TGFBRAP1: variants seen among roughly 807,000 people sequenced by gnomAD.
TGFBRAP1 encodes the protein transforming growth factor beta receptor associated protein 1, also known as transforming growth factor-beta receptor-associated protein 1.
Under a neutral mutation model 83.2 loss-of-function variants are expected in TGFBRAP1, and 20 were observed. The observed-to-expected ratio is 0.24, with a 90% CI of 0.17 to 0.35. The LOEUF (loss-of-function observed/expected upper bound fraction) is 0.35, where lower values mean the gene tolerates loss of function less well. Among genes scored for constraint, TGFBRAP1 ranks in the 10% least tolerant of loss-of-function variants. TGFBRAP1 has a pLI of 1.00. For missense variants in TGFBRAP1, 950 were observed against 1,099.4 expected (o/e 0.86, Z 1.92); for synonymous variants, 415 against 459.8 (o/e 0.90, Z 1.25).
chr2:105,256,963 T>A, the TGFBRAP1 span, among the ~76,000 whole-genome samples: 1 of 152,296 alleles, frequency 6.6e-6, no homozygotes, highest in South Asian at 2.1e-4. Context: ...AGCTTACAAA[T>A]GCCATGGCAA....
At chr2:105,275,982 T>A (rs1341393323) in intron 7 of TGFBRAP1, among the ~76,000 whole-genome samples, 1 of 152,130 alleles carries the variant, frequency 6.6e-6, no homozygotes, top group African/African-American at 2.4e-5. Context: ...ACAGAATATA[T>A]GCAGGGAGGT....
At chr2:105,325,877 C>T (rs578205246) in intron 1 of TGFBRAP1, among the ~76,000 whole-genome samples, 1 of 152,228 alleles carries the variant, frequency 6.6e-6, no homozygotes, top group South Asian at 2.1e-4. Flanking sequence ...AATTTACTGG[C>T]TTGTACAAAA....
intron 8 of TGFBRAP1, among the ~76,000 whole-genome samples, chr2:105,274,272 G>A (rs1349284600): frequency 6.6e-6 from 1 of 152,160 alleles, no homozygotes; most frequent in Non-Finnish European, 1.5e-5. Flanking sequence ...CAATCCTCTG[G>A]TTCAAGGAAA....
intron 5 of TGFBRAP1, among the ~76,000 whole-genome samples, chr2:105,284,108 A>G (rs1368380175): frequency 2.0e-5 from 3 of 152,116 alleles, no homozygotes; most frequent in Non-Finnish European, 4.4e-5. Flanking sequence ...TCTAAGACAT[A>G]GGCCAGTTAA....
chr2:105,312,079 T>A (rs1678714210), intron 1 of TGFBRAP1, among the ~76,000 whole-genome samples: 1 of 152,056 alleles, frequency 6.6e-6, no homozygotes, highest in Non-Finnish European at 1.5e-5. Context: ...ATCAGAGAAG[T>A]TTCAACATGG....
the TGFBRAP1 span, among the ~76,000 whole-genome samples, chr2:105,258,182 A>ATGTTTCCTTGTT: frequency 2.6e-5 from 4 of 152,186 alleles, no homozygotes; most frequent in Non-Finnish European, 4.4e-5. Flanking sequence ...AGGAGGAAAC[A>ATGTTTCCTTGTT]AGGCCACTCG....
At chr2:105,301,672 T>C (rs17689220) in intron 2 of TGFBRAP1, among the ~76,000 whole-genome samples, 7,184 of 152,264 alleles carry the variant, frequency 0.047, 203 homozygotes, top group African/African-American at 0.075. Flanking sequence ...TCTTCCTAAT[T>C]ATGACTCAAA....
chr2:105,275,379 C>T (rs1202659171), intron 8 of TGFBRAP1, among the ~76,000 whole-genome samples, 181 bp downstream of exon 8: 1 of 152,138 alleles, frequency 6.6e-6, no homozygotes, highest in Non-Finnish European at 1.5e-5. Flanking sequence ...GCAGAACTGC[C>T]CTAGAGCTAG....
chr2:105,261,383 A>G (rs1334643278), downstream of TGFBRAP1, among the ~76,000 whole-genome samples: 2 of 152,168 alleles, frequency 1.3e-5, no homozygotes, highest in East Asian at 1.9e-4. Flanking sequence ...GGAAAAACTG[A>G]TATTTCAAGC....
chr2:105,250,425 A>C, the TGFBRAP1 span, among the ~76,000 whole-genome samples: 1 of 152,178 alleles, frequency 6.6e-6, no homozygotes, highest in Admixed American at 6.5e-5. Context: ...AGGAAAAATA[A>C]CCAAGTTCAT....
chr2:105,272,878 A>G lies in TGFBRAP1; in HGVS notation c.1949T>C (p.Leu650Ser), dbSNP rs563083910. The G allele has an allele frequency of 6.2e-7, 1 of 1,608,774 alleles. No homozygotes were observed. The highest frequency in any genetic ancestry group is 1.3e-5 in the African/African-American group (1 of 74,878). The stretch of plus-strand genomic sequence containing the variant: ...ACCGAGAAGAAAGTGGACTCGGTAT[A>G]AATCAGATTTCTGGAGCAGCCGCCG... ...KLRRLLQKSD[L>S]YRVHFLLERL... Residue 650 changes from leucine to serine, a missense_variant, in exon 10 of 12, where the codon TTA becomes TCA. Transcript: ENST00000393359.
intron 4 of TGFBRAP1, 137 bp downstream of exon 4, chr2:105,296,219 T>G (rs1678083843): frequency 3.6e-6 from 4 of 1,100,180 alleles, no homozygotes; most frequent in Non-Finnish European, 5.2e-6. Flanking sequence ...ATGTATTTGT[T>G]GAGAAAATTA....
In TGFBRAP1 at chr2:105,311,674, G is replaced by A. The variant is rs539986470; in HGVS notation, c.-17-3356C>T. 5.9e-5 allele frequency among the ~76,000 whole-genome samples: 9 copies of A among 152,172 alleles called. No individual in the cohort carries two copies. In the South Asian group the frequency reaches 1.2e-3, roughly 21 times the overall value. ...ACCATTTTGGGAGGCTGAGGCAGGC[G>A]GATCACCTGAGGTCAGGAGTTCAAG... On this transcript the variant is annotated intron_variant, in intron 1 of 11. Transcript: ENST00000393359.
chr2:105,304,958 A>G (rs1278419451), intron 2 of TGFBRAP1, among the ~76,000 whole-genome samples: 6 of 152,192 alleles, frequency 3.9e-5, no homozygotes, highest in Admixed American at 3.9e-4. Flanking sequence ...GAACAGGTGG[A>G]GCACAAAGGA....
intron 1 of TGFBRAP1, among the ~76,000 whole-genome samples, chr2:105,322,755 T>C (rs1442795243): frequency 6.6e-6 from 1 of 152,182 alleles, no homozygotes; most frequent in Non-Finnish European, 1.5e-5. Flanking sequence ...ATTCACTCTA[T>C]GATGTTCATA....
At chr2:105,251,642 G>A in the TGFBRAP1 span, among the ~76,000 whole-genome samples, 1 of 152,230 alleles carries the variant, frequency 6.6e-6, no homozygotes, top group South Asian at 2.1e-4. Flanking sequence ...TCTGGGAGGT[G>A]TACTCAACAG....
intron 1 of TGFBRAP1, among the ~76,000 whole-genome samples, chr2:105,315,422 A>T (rs1160188481): frequency 2.0e-5 from 3 of 152,244 alleles, no homozygotes; most frequent in African/African-American, 7.2e-5. Flanking sequence ...ATGAGGATAG[A>T]CCAACAGGTC....
intron 1 of TGFBRAP1, among the ~76,000 whole-genome samples, chr2:105,322,444 C>T (rs1273967281): frequency 1.3e-5 from 2 of 152,210 alleles, no homozygotes; most frequent in African/African-American, 4.8e-5. Context: ...TCACTTGCCA[C>T]TTACTCACTG....
In TGFBRAP1 at chr2:105,302,009, T is replaced by TAAAAAAAAAAAAAAAAAAAAACA. The variant is rs35548542; in HGVS notation, c.689-3305_689-3304insTGTTTTTTTTTTTTTTTTTTTTT. ...GGTATCTCAAACATATAAAGAATAC[T>TAAAAAAAAAAAAAAAAAAAAACA]AAAAAAAAAAAAAAAAAAAAGGCCT... On this transcript the variant is annotated intron_variant, in intron 2 of 11. Transcript: ENST00000393359. 2.7e-5 allele frequency among the ~76,000 whole-genome samples: 2 copies of TAAAAAAAAAAAAAAAAAAAAACA among 75,110 alleles called. 1 individual carries two copies. Among genetic ancestry groups the TAAAAAAAAAAAAAAAAAAAAACA allele is most frequent in the Non-Finnish European group, 5.1e-5 (2 of 38,836 alleles). The allele number at this position is 75,110 out of a possible 152,430, so 49.3% of individuals were successfully genotyped here.
Sources: gnomAD v4.1 joint callset for allele counts (sites outside exome capture counted in the v4.1 genomes callset) on GRCh38, gnomAD v4.1.1 for gene constraint, MANE v1.5 for transcripts, NCBI Gene and HGNC (gene_info 2026-07-23, HGNC 2026-07-21) for gene names.